COX20: variants seen among roughly 807,000 people sequenced by gnomAD.
The protein encoded by COX20 is cytochrome c oxidase assembly protein COX20, mitochondrial.
A neutral mutation model predicts 14.3 loss-of-function variants in COX20; 14 were observed. That is an observed-to-expected ratio of 0.98 (90% CI 0.65 to 1.53). COX20 has a LOEUF of 1.53. COX20 is among the 40% of genes most tolerant of loss of function. The pLI is 0.00. For missense variants in COX20, 149 were observed against 142.1 expected (o/e 1.05, Z -0.25); for synonymous variants, 56 against 51.7 (o/e 1.08, Z -0.36).
At chr1:244,835,328 G>A (rs1428593505), upstream of COX20, 2 of 181,054 alleles carry the variant, frequency 1.1e-5, no homozygotes, top group Non-Finnish European at 2.3e-5. Flanking sequence ...ACGCGCGCCG[G>A]AGACGGTTAG....
At chr1:244,842,836 C>G in intron 3 of COX20, 1 of 405,092 alleles carries the variant, frequency 2.5e-6, no homozygotes, top group Non-Finnish European at 4.4e-6. Context: ...TGTAGACATC[C>G]TTTTTTTCCT....
At chr1:244,838,087 A>G (rs2102970534) in intron 1 of COX20, among the ~76,000 whole-genome samples, 1 of 152,312 alleles carries the variant, frequency 6.6e-6, no homozygotes, top group South Asian at 2.1e-4. Context: ...TGTATTAGCA[A>G]TGAAGTTGGT....
chr1:244,844,158 CAAGG>C lies in COX20; in HGVS notation c.*986_*989del, dbSNP rs1233351444. On this transcript the variant is annotated 3_prime_UTR_variant, in exon 4 of 4. Coordinates refer to ENST00000411948, the MANE Select transcript of COX20 (RefSeq NM_198076.6). The stretch of plus-strand genomic sequence containing the variant: ...TACCATGGAAGGCACAGAAATCGAG[CAAGG>C]AAGAAAATATTAGTTATTTTGATCT... The C allele has an allele frequency of 6.6e-6, 1 of 152,158 alleles. No homozygotes were observed. Among genetic ancestry groups the C allele is most frequent in the Non-Finnish European group, 1.5e-5 (1 of 68,030 alleles). 9.4% of individuals were successfully genotyped at this position (152,158 alleles called of 1,614,324 possible). A position where few individuals can be genotyped will look rare whatever the true frequency, so the allele number is the denominator to read the frequency against.
chr1:244,839,528 T>C (rs1274045893), intron 1 of COX20, among the ~76,000 whole-genome samples: 2 of 152,182 alleles, frequency 1.3e-5, no homozygotes, highest in Non-Finnish European at 2.9e-5. Flanking sequence ...AGAGAAATGT[T>C]AAAGGCATGT....
intron 1 of COX20, among the ~76,000 whole-genome samples, chr1:244,839,289 G>GA (rs763655124): frequency 6.6e-6 from 1 of 152,054 alleles, no homozygotes; most frequent in Non-Finnish European, 1.5e-5. Flanking sequence ...TTTAGTGGTG[G>GA]AAAATCAACT....
intron 1 of COX20, chr1:244,841,637 TA>T: frequency 4.2e-6 from 1 of 238,178 alleles, no homozygotes; most frequent in Non-Finnish European, 8.2e-6. Context: ...TAAACTCATT[TA>T]AAGAGCTCAT....
In COX20 at chr1:244,844,187, T is replaced by A. The variant is rs1366643563; in HGVS notation, c.*1011T>A. On this transcript the variant is annotated 3_prime_UTR_variant, in exon 4 of 4. Coordinates refer to ENST00000411948, the MANE Select transcript of COX20 (RefSeq NM_198076.6). The stretch of plus-strand genomic sequence containing the variant: ...GAAGAAAATATTAGTTATTTTGATC[T>A]ACATCTTTTTCTAAAGAAAAGTGGA... The A allele has an allele frequency of 6.6e-6, 1 of 152,238 alleles. No individual in the cohort carries two copies. Among genetic ancestry groups the A allele is most frequent in the East Asian group, 1.9e-4 (1 of 5,204 alleles). The allele number at this position is 152,238 out of a possible 1,614,324, so 9.4% of individuals were successfully genotyped here.
At chr1:244,840,476 C>T (rs41269391) in intron 1 of COX20, 4,142 of 152,382 alleles carry the variant, frequency 0.027, 90 homozygotes, top group Non-Finnish European at 0.042. Flanking sequence ...GATCATATGT[C>T]CCCTGGGCTC....
In COX20 at chr1:244,835,744, C is replaced by G. The variant is rs924119045; in HGVS notation, c.30C>G (p.Pro10=). The change falls in exon 1 of 4, where the codon CCC becomes CCG. Residue 10 remains proline (P), a synonymous_variant. Coordinates refer to ENST00000411948, the MANE Select transcript of COX20 (RefSeq NM_198076.6). ...CCGCCCCGCCGGAGCCCGGTGAGCC[C>G]GAGGAGAGGAAGGTAACCTGGGGGT... MAAPPEPGE[P]EERKSLKLLG... is the part of the protein sequence containing the mutation. The G allele has an allele frequency of 2.0e-5, 25 of 1,271,152 alleles. No individual in the cohort carries two copies. The highest frequency in any genetic ancestry group is 2.5e-4 in the Middle Eastern group (1 of 3,970). 78.7% of individuals were successfully genotyped at this position (1,271,152 alleles called of 1,614,324 possible).
intron 1 of COX20, chr1:244,836,596 C>A: frequency 7.9e-7 from 1 of 1,271,582 alleles, no homozygotes; most frequent in Non-Finnish European, 1.1e-6. Context: ...ATCCTCAGGG[C>A]AGAACAGGTA....
In COX20 at chr1:244,835,658, G is replaced by C. The variant is rs1414138942; in HGVS notation, c.-57G>C. Reference sequence around the variant, plus strand: ...GACGGGGAGGGGCGCGGCCAGCCGGGCTTCTGCTTCCGCGACCCCGGCGGT... The same window carrying C: ...GACGGGGAGGGGCGCGGCCAGCCGGCCTTCTGCTTCCGCGACCCCGGCGGT... On this transcript the variant is annotated 5_prime_UTR_variant, in exon 1 of 4. Transcript: ENST00000411948. 3 of 1,221,688 alleles carry C rather than the reference G, an allele frequency of 2.5e-6. No individual in the cohort carries two copies. Among genetic ancestry groups the C allele is most frequent in the Non-Finnish European group, 3.1e-6 (3 of 976,546 alleles). 75.7% of individuals were successfully genotyped at this position (1,221,688 alleles called of 1,614,324 possible).
chr1:244,843,094 G>A lies in COX20; in HGVS notation c.275G>A (p.Arg92Lys), dbSNP rs775660475. 1.9e-6 allele frequency: 3 copies of A among 1,595,640 alleles called. No homozygotes were observed. In the East Asian group the frequency reaches 6.8e-5, roughly 36 times the overall value. The stretch of plus-strand genomic sequence containing the variant: ...CAAAGAATCCAGGAAAGAATTGCCA[G>A]AGAAGAAATTAAAAAGAAGATATTA... ...AKQRIQERIA[R>K]EEIKKKILYE... The change falls in exon 4 of 4, where the codon AGA (arginine) becomes AAA (lysine). Residue 92 changes from arginine to lysine, a missense_variant. Arg to Lys is a conservative substitution (Grantham distance 26, BLOSUM62 2). Transcript: ENST00000411948.
In COX20 at chr1:244,842,192, C is replaced by T; in HGVS notation, c.158-3C>T. On this transcript the variant is annotated splice_polypyrimidine_tract_variant and splice_region_variant and intron_variant, in intron 2 of 3. Coordinates refer to ENST00000411948, the MANE Select transcript of COX20 (RefSeq NM_198076.6). ...TAATTAATTGTTATGCTTATTTTTACAGGTAGAATTAGAAGATCATGTGAT... is the reference window on the plus strand; with the variant it reads ...TAATTAATTGTTATGCTTATTTTTATAGGTAGAATTAGAAGATCATGTGAT... 1 of 1,577,896 alleles carries T rather than the reference C, an allele frequency of 6.3e-7. No homozygotes were observed. Among genetic ancestry groups the T allele is most frequent in the East Asian group, 2.2e-5 (1 of 44,744 alleles).
chr1:244,843,989 T>A lies in COX20; in HGVS notation c.*813T>A, dbSNP rs574849707. The stretch of plus-strand genomic sequence containing the variant: ...CTAGGAAAATGAAGTTATTTCTGGT[T>A]TTAATTCATACAATACTTTAAGAAA... On this transcript the variant is annotated 3_prime_UTR_variant, in exon 4 of 4. Transcript: ENST00000411948. 1.6e-4 allele frequency: 25 copies of A among 152,194 alleles called. No homozygotes were observed. Among genetic ancestry groups the A allele is most frequent in the Non-Finnish European group, 3.1e-4 (21 of 68,028 alleles). 9.4% of individuals were successfully genotyped at this position (152,194 alleles called of 1,614,324 possible).
At chr1:244,841,601 A>G (rs182334292) in intron 1 of COX20, 41 of 180,884 alleles carry the variant, frequency 2.3e-4, no homozygotes, top group African/African-American at 9.4e-4. Context: ...GCTGCTTTCA[A>G]TTCCAATGAT....
rs1294072460 is a variant in COX20 at position 244,843,519 on chromosome 1, AC to A, written c.*345del. 5.2e-6 allele frequency: 1 copy of A among 192,852 alleles called. No individual in the cohort carries two copies. The highest frequency in any genetic ancestry group is 2.4e-5 in the African/African-American group (1 of 42,326). The allele number at this position is 192,852 out of a possible 1,614,324, so 11.9% of individuals were successfully genotyped here. A position where few individuals can be genotyped will look rare whatever the true frequency, so the allele number is the denominator to read the frequency against. On this transcript the variant is annotated 3_prime_UTR_variant, in exon 4 of 4. Transcript: ENST00000411948. ...GATAAGTAAACGTCCCTTAACAAAA[AC>A]CTCAACCTTATTACTATCCCATTAA...
chr1:244,844,590 T>C lies in COX20; in HGVS notation c.*1414T>C, dbSNP rs1409475429. The C allele has an allele frequency of 6.6e-6, 1 of 152,208 alleles. No homozygotes were observed. The highest frequency in any genetic ancestry group is 2.4e-5 in the African/African-American group (1 of 41,416). 9.4% of individuals were successfully genotyped at this position (152,208 alleles called of 1,614,324 possible). On this transcript the variant is annotated 3_prime_UTR_variant, in exon 4 of 4. Transcript: ENST00000411948. ...CTGGCCAACAGGGTGAAACCCTGTC[T>C]CGTCTAAAAATACAAAAATTAGCCG...
In COX20 at chr1:244,843,086, A is replaced by G. The variant is rs774833234; in HGVS notation, c.267A>G (p.Arg89=). 6.3e-7 allele frequency: 1 copy of G among 1,595,064 alleles called. No homozygotes were observed. Among genetic ancestry groups the G allele is most frequent in the East Asian group, 2.3e-5 (1 of 44,026 alleles). Residue 89 remains arginine, a synonymous_variant, in exon 4 of 4, where the codon AGA becomes AGG. Transcript: ENST00000411948. ...YNYAKQRIQE[R]IAREEIKKKI... is the part of the protein sequence containing the mutation. ...ATGCAAAGCAAAGAATCCAGGAAAG[A>G]ATTGCCAGAGAAGAAATTAAAAAGA... is the stretch of plus-strand genomic sequence containing the variant.
At chr1:244,836,463 C>G (rs1679987774) in intron 1 of COX20, 13 of 1,548,926 alleles carry the variant, frequency 8.4e-6, no homozygotes, top group African/African-American at 8.2e-5. Context: ...AGCTGACTTA[C>G]GTACTTTCCC....
Sources: allele counts gnomAD v4.1 joint callset (sites outside exome capture counted in the v4.1 genomes callset), GRCh38; gene constraint gnomAD v4.1.1; transcripts MANE v1.5; gene names NCBI Gene and HGNC (gene_info 2026-07-23, HGNC 2026-07-21).